Variants in GDA observed in about 807,000 individuals in gnomAD.
GDA encodes guanine deaminase.
GDA carries 18 observed loss-of-function variants against 59.6 expected under a neutral mutation model. The ratio of observed to expected loss-of-function variants is 0.30; its 90% CI spans 0.21 to 0.45. The LOEUF is 0.45. GDA is among the 20% of genes least tolerant of loss of function. GDA has a pLI of 1.00. For synonymous variants in GDA, 201 were observed against 201.1 expected (o/e 1.00, Z 0.00); for missense variants, 427 against 552.3 (o/e 0.77, Z 2.27).
intron 1 of GDA, among the ~76,000 whole-genome samples, chr9:72,167,579 G>A (rs1308603797): frequency 6.6e-6 from 1 of 152,182 alleles, no homozygotes; most frequent in Non-Finnish European, 1.5e-5. Context: ...GTCCACCACT[G>A]GTTTTTCTGC....
chr9:72,168,325 G>A (rs1267679984), intron 1 of GDA, among the ~76,000 whole-genome samples: 1 of 151,814 alleles, frequency 6.6e-6, no homozygotes, highest in Non-Finnish European at 1.5e-5. Context: ...CTTGAGCCCA[G>A]GAAGCTGCAG....
At chr9:72,238,645 C>G (rs1839279749) in intron 10 of GDA, among the ~76,000 whole-genome samples, 1 of 152,178 alleles carries the variant, frequency 6.6e-6, no homozygotes, top group African/African-American at 2.4e-5. Flanking sequence ...AGTTTTTGCT[C>G]TTGCATAATT....
At chr9:72,178,722 A>G (rs1201404084) in intron 1 of GDA, among the ~76,000 whole-genome samples, 1 of 152,022 alleles carries the variant, frequency 6.6e-6, no homozygotes, top group Non-Finnish European at 1.5e-5. Flanking sequence ...CCAGCCTGGA[A>G]TCGATTTTTA....
intron 2 of GDA, among the ~76,000 whole-genome samples, chr9:72,201,457 CAGACAAG>C (rs1324314131): frequency 1.3e-5 from 2 of 152,130 alleles, no homozygotes; most frequent in African/African-American, 4.8e-5. Context: ...TTCTTGTAGT[CAGACAAG>C]ATCAAGATGA....
chr9:72,170,847 G>C (rs908776878), intron 1 of GDA, among the ~76,000 whole-genome samples: 10 of 151,988 alleles, frequency 6.6e-5, no homozygotes, highest in Admixed American at 4.6e-4. Flanking sequence ...ATAGGCCCTC[G>C]CTCTGTCACC....
chr9:72,153,191 T>C (rs1486939116), intron 1 of GDA, among the ~76,000 whole-genome samples: 1 of 152,012 alleles, frequency 6.6e-6, no homozygotes, highest in Non-Finnish European at 1.5e-5. Context: ...TTGGTTACTG[T>C]AGCCTTGTAG....
intron 5 of GDA, chr9:72,214,766 C>A: frequency 6.2e-6 from 2 of 321,998 alleles, no homozygotes; most frequent in Non-Finnish European, 1.2e-5. Context: ...CAGACTGTCA[C>A]TCTGTCACCC....
At position 72,250,676 on chromosome 9, in the gene GDA, T is replaced by G. The variant is rs1187315353; in HGVS notation, c.*2334T>G. 1 of 1,609,658 alleles carries G rather than the reference T, an allele frequency of 6.2e-7. No homozygotes were observed. The highest frequency in any genetic ancestry group is 1.3e-5 in the African/African-American group (1 of 74,802). ...CTTTGCCTAATGTAGGTTGACTTTC[T>G]GAATTGTGGAGAGGCACTTTTCCAA... is the stretch of plus-strand genomic sequence containing the variant. On this transcript the variant is annotated 3_prime_UTR_variant, in exon 14 of 14. Coordinates refer to ENST00000358399, the MANE Select transcript of GDA (RefSeq NM_004293.5).
chr9:72,177,225 A>G (rs1433914646), intron 1 of GDA, among the ~76,000 whole-genome samples: 3 of 150,512 alleles, frequency 2.0e-5, no homozygotes, highest in African/African-American at 7.3e-5. Context: ...CAGCCTCCCA[A>G]GTAGCTGGGA....
upstream of GDA, among the ~76,000 whole-genome samples, chr9:72,146,963 T>C (rs532916252): frequency 3.3e-5 from 5 of 152,326 alleles, no homozygotes; most frequent in South Asian, 6.2e-4. Flanking sequence ...CCATGTCACC[T>C]GGAGGTTCAT....
At chr9:72,225,020 G>A (rs1837374764) in intron 7 of GDA, among the ~76,000 whole-genome samples, 1 of 152,096 alleles carries the variant, frequency 6.6e-6, no homozygotes, top group African/African-American at 2.4e-5. Flanking sequence ...GGTGGCTCAC[G>A]CCTGTAATCC....
intron 1 of GDA, among the ~76,000 whole-genome samples, chr9:72,154,403 T>G (rs1827645708): frequency 6.6e-6 from 1 of 152,228 alleles, no homozygotes; most frequent in Admixed American, 6.5e-5. Flanking sequence ...CTATTCCCTT[T>G]GCCTCCTAGC....
intron 1 of GDA, among the ~76,000 whole-genome samples, chr9:72,133,194 G>A (rs1052894570): frequency 6.6e-6 from 1 of 150,600 alleles, no homozygotes; most frequent in Non-Finnish European, 1.5e-5. Flanking sequence ...GGAGGCTGAG[G>A]CAGGGGAATC....
chr9:72,115,316 C>T (rs940970070), intron 1 of GDA, among the ~76,000 whole-genome samples: 3 of 152,148 alleles, frequency 2.0e-5, no homozygotes, highest in South Asian at 2.1e-4. Flanking sequence ...CAATGATATA[C>T]GGATTTCTTT....
rs148838752 is a variant in GDA, at chr9:72,188,070, G to A, written c.124-7430G>A. On this transcript the variant is annotated intron_variant, in intron 1 of 13. Transcript: ENST00000358399. ...GCTTATAGTAAGATGCTAGAGGAAA[G>A]GAATGATTTAAAGATGGAATTTATA... 1.8e-3 allele frequency among the ~76,000 whole-genome samples: 277 copies of A among 152,270 alleles called. 1 individual carries two copies. The highest frequency in any genetic ancestry group is 6.5e-3 in the African/African-American group (270 of 41,556).
At chr9:72,178,767 C>T (rs1451754368) in intron 1 of GDA, among the ~76,000 whole-genome samples, 2 of 152,122 alleles carry the variant, frequency 1.3e-5, no homozygotes, top group Non-Finnish European at 2.9e-5. Flanking sequence ...TTTTAAGCTC[C>T]TGGTCCTCGC....
chr9:72,191,287 G>T (rs779775239), intron 1 of GDA, among the ~76,000 whole-genome samples: 1 of 152,104 alleles, frequency 6.6e-6, no homozygotes, highest in African/African-American at 2.4e-5. Context: ...GTACTGCATG[G>T]CTACTCAGGT....
chr9:72,231,683 C>T (rs751084792), intron 10 of GDA, among the ~76,000 whole-genome samples: 15 of 152,118 alleles, frequency 9.9e-5, no homozygotes, highest in Non-Finnish European at 1.8e-4. Flanking sequence ...TTAATTCCTT[C>T]TGACGTGTTT....
At chr9:72,206,850 C>T (rs920004061) in intron 3 of GDA, among the ~76,000 whole-genome samples, 1 of 151,914 alleles carries the variant, frequency 6.6e-6, no homozygotes, top group African/African-American at 2.4e-5. Flanking sequence ...TGTCTTCATT[C>T]ATTTTTGTTG....
Sources: gnomAD v4.1 joint callset for allele counts (sites outside exome capture counted in the v4.1 genomes callset) on GRCh38, gnomAD v4.1.1 for gene constraint, MANE v1.5 for transcripts, NCBI Gene and HGNC (gene_info 2026-07-23, HGNC 2026-07-21) for gene names.